Variants in SESN2 observed in about 807,000 individuals in gnomAD.
SESN2 encodes sestrin 2, also known as sestrin-2.
A neutral mutation model predicts 56.0 loss-of-function variants in SESN2; 42 were observed. The observed-to-expected ratio is 0.75, with a 90% CI of 0.59 to 0.97. The LOEUF is 0.97. Among genes scored for constraint, SESN2 ranks in the 50% least tolerant of loss-of-function variants. SESN2 has a pLI of 0.00. For missense variants in SESN2, 507 were observed against 649.4 expected, an observed-to-expected ratio of 0.78 and a Z score of 2.38; for synonymous variants, 264 against 267.1, an observed-to-expected ratio of 0.99 and a Z score of 0.11.
intron 2 of SESN2, among the ~76,000 whole-genome samples, chr1:28,270,753 G>A (rs1463566840): frequency 6.6e-6 from 1 of 152,156 alleles, no homozygotes. Flanking sequence ...TGTATTAGCA[G>A]AGATGGGGTT....
At chr1:28,262,621 C>CAAAAAA (rs71027268) in intron 1 of SESN2, among the ~76,000 whole-genome samples, 1,037 of 52,290 alleles carry the variant, frequency 0.02, 83 homozygotes, top group African/African-American at 0.054. Context: ...GAGTCTGTCT[C>CAAAAAA]AAAAAAAAAA....
chr1:28,275,764 A>G (rs990421409), intron 8 of SESN2, among the ~76,000 whole-genome samples: 4 of 145,254 alleles, frequency 2.8e-5, no homozygotes, highest in African/African-American at 5.1e-5. Context: ...AAAAAAAATT[A>G]CAATAGAGGC....
intron 8 of SESN2, 132 bp from the exon 9 acceptor site, chr1:28,278,965 T>C: frequency 1.2e-6 from 1 of 846,004 alleles, no homozygotes; most frequent in South Asian, 1.6e-5. Context: ...CAAGAGGAAC[T>C]AGGCTTCTTG....
rs1201372749 is a variant in SESN2, at chr1:28,281,741, G to A, written c.*939G>A. ...TTCTAGATGGCTTAGGTGGCACCATGGCTCAGCAGGAGGGGCGGGAGGCAC... is the reference window on the plus strand; with the variant it reads ...TTCTAGATGGCTTAGGTGGCACCATAGCTCAGCAGGAGGGGCGGGAGGCAC... On this transcript the variant is annotated 3_prime_UTR_variant, in exon 10 of 10. Transcript: ENST00000253063. The A allele has an allele frequency of 1.3e-5, 2 of 152,354 alleles. No homozygotes were observed. Among genetic ancestry groups the A allele is most frequent in the African/African-American group, 4.8e-5 (2 of 41,458 alleles). 9.4% of individuals were successfully genotyped at this position (152,354 alleles called of 1,614,324 possible).
rs1180680761 is a variant in SESN2, at chr1:28,269,207, C to G, written c.115C>G (p.Arg39Gly). Reference protein sequence around the residue: ...GEEQRESRARRGPRGPSAFIP... With the variant: ...GEEQRESRARGGPRGPSAFIP... The stretch of plus-strand genomic sequence containing the variant: ...GGAGCAGAGGGAGAGCCGGGCTCGG[C>G]GAGGCCCTCGAGGGCCCAGCGCCTT... Residue 39 changes from arginine to glycine, a missense_variant, in exon 2 of 10, where the codon CGA becomes GGA. Physicochemically the swap from Arg to Gly is moderately radical, Grantham distance 125. Transcript: ENST00000253063. 1 of 1,612,654 alleles carries G rather than the reference C, an allele frequency of 6.2e-7. No homozygotes were observed. Among genetic ancestry groups the G allele is most frequent in the Non-Finnish European group, 8.5e-7 (1 of 1,179,334 alleles).
chr1:28,259,975 C>T (rs1647311307), intron 1 of SESN2, 38 bp downstream of exon 1: 1 of 1,430,598 alleles, frequency 7.0e-7, no homozygotes, highest in Admixed American at 2.2e-5. Flanking sequence ...TTCCCTGGAA[C>T]CCCGAACCGC....
chr1:28,274,895 A>T lies in SESN2; in HGVS notation c.1091A>T (p.Asp364Val). Residue 364 changes from aspartate to valine, a missense_variant, in exon 8 of 10, where the codon GAT becomes GTT. Physicochemically the swap from Asp to Val is radical, Grantham distance 152. Coordinates refer to ENST00000253063, the MANE Select transcript of SESN2 (RefSeq NM_031459.5). ...RLYPEGGQLLDEKFQAAYSLT... is the reference protein window; with the variant it reads ...RLYPEGGQLLVEKFQAAYSLT... ...TACCCTGAGGGTGGGCAGCTGCTGG[A>T]TGAGAAGTTCCAGGCAGCCTATAGC... 6.2e-7 allele frequency: 1 copy of T among 1,614,156 alleles called. No homozygotes were observed. Among genetic ancestry groups the T allele is most frequent in the South Asian group, 1.1e-5 (1 of 91,090 alleles).
intron 4 of SESN2, 50 bp from the exon 5 acceptor site, chr1:28,272,531 A>G: frequency 6.2e-7 from 1 of 1,608,694 alleles, no homozygotes; most frequent in Middle Eastern, 1.7e-4. Flanking sequence ...CTGGTGGGTA[A>G]CCCAGGGCAG....
rs188021807 is a variant in SESN2 at position 28,268,191 on chromosome 1, C to T, written c.91-992C>T. On this transcript the variant is annotated intron_variant, in intron 1 of 9. Coordinates refer to ENST00000253063, the MANE Select transcript of SESN2 (RefSeq NM_031459.5). ...GCTAAGGAGGCCGGGGGACAACTGG[C>T]GAGGTTGTGAGTAGTGGTCCAGACA... Among the ~76,000 whole-genome samples the T allele has an allele frequency of 1.5e-4, 23 of 151,972 alleles. 1 individual carries two copies. The highest frequency in any genetic ancestry group is 1.0e-3 in the Admixed American group (16 of 15,254).
intron 1 of SESN2, 82 bp from the exon 2 acceptor site, chr1:28,269,101 G>T: frequency 9.9e-7 from 1 of 1,008,778 alleles, no homozygotes; most frequent in Non-Finnish European, 1.5e-6. Context: ...TAGCCCCTTG[G>T]ATAGGAGGAA....
In SESN2 at chr1:28,272,463, C is replaced by A. The variant is rs1350026145; in HGVS notation, c.534C>A (p.Ile178=). The A allele has an allele frequency of 1.2e-6, 2 of 1,612,870 alleles. No individual in the cohort carries two copies. Among genetic ancestry groups the A allele is most frequent in the Admixed American group, 1.7e-5 (1 of 60,010 alleles). Residue 178 remains isoleucine (I), a synonymous_variant, in exon 4 of 10, where the codon ATC becomes ATA. Transcript: ENST00000253063. The stretch of plus-strand genomic sequence containing the variant: ...CATGGCTCATCACCAAGGAACACAT[C>A]CAGGTGCAGGGGGCAGAGAGGCGGG... ...HRPWLITKEH[I]QALLKTGEHT...
chr1:28,280,016 C>G (rs1460397589), intron 9 of SESN2, among the ~76,000 whole-genome samples: 3 of 151,916 alleles, frequency 2.0e-5, no homozygotes, highest in Non-Finnish European at 4.4e-5. Context: ...TTTTAAATTC[C>G]TAGTAGAGAT....
intron 8 of SESN2, among the ~76,000 whole-genome samples, chr1:28,278,206 C>T (rs924371909): frequency 1.3e-5 from 2 of 152,246 alleles, no homozygotes; most frequent in African/African-American, 2.4e-5. Flanking sequence ...CTGACCTCCT[C>T]CTCTACCTTC....
Position 28,274,982 on chromosome 1 carries a change from T to C in SESN2, c.1178T>C (p.Ile393Thr). ...GVDTSVLRRA[I>T]WNYIHCVFGI... ...GACACCTCCGTGCTCCGCAGGGCCA[T>C]CTGGAACTATATCCACTGCGTCTTT... The change falls in exon 8 of 10, where the codon ATC (isoleucine) becomes ACC (threonine). Residue 393 changes from isoleucine (I) to threonine (T), a missense_variant. Ile to Thr is a moderately conservative substitution (Grantham distance 89). Coordinates refer to ENST00000253063, the MANE Select transcript of SESN2 (RefSeq NM_031459.5). The C allele has an allele frequency of 6.2e-7, 1 of 1,614,002 alleles. No individual in the cohort carries two copies. The highest frequency in any genetic ancestry group is 8.5e-7 in the Non-Finnish European group (1 of 1,179,864).
intron 8 of SESN2, 145 bp downstream of exon 8, chr1:28,275,160 G>T: frequency 1.7e-6 from 1 of 600,378 alleles, no homozygotes; most frequent in Non-Finnish European, 2.9e-6. Context: ...GATTTTAAAA[G>T]ATGACAGTAC....
At chr1:28,265,885 ACCT>A in intron 1 of SESN2, among the ~76,000 whole-genome samples, 1 of 151,812 alleles carries the variant, frequency 6.6e-6, no homozygotes, top group Non-Finnish European at 1.5e-5. Flanking sequence ...CTCAAAGACC[ACCT>A]CCTCAATGGC....
intron 1 of SESN2, among the ~76,000 whole-genome samples, chr1:28,264,746 GACTC>G (rs1424849181): frequency 6.6e-6 from 1 of 152,212 alleles, no homozygotes; most frequent in African/African-American, 2.4e-5. Context: ...AGTGACTAGA[GACTC>G]ACATTTCTTG....
chr1:28,273,075 C>A (rs1056729833), intron 5 of SESN2, among the ~76,000 whole-genome samples: 2 of 152,184 alleles, frequency 1.3e-5, no homozygotes. Flanking sequence ...TTTAAAACTA[C>A]AAAGTTTACC....
At chr1:28,274,286 C>T in intron 7 of SESN2, 128 bp downstream of exon 7, 2 of 680,052 alleles carry the variant, frequency 2.9e-6, no homozygotes, top group Non-Finnish European at 2.6e-6. Context: ...AATCCCAGCA[C>T]TTTGGGAAGC....
Sources: gnomAD v4.1 joint callset for allele counts (sites outside exome capture counted in the v4.1 genomes callset) on GRCh38, gnomAD v4.1.1 for gene constraint, MANE v1.5 for transcripts, NCBI Gene and HGNC (gene_info 2026-07-23, HGNC 2026-07-21) for gene names.